UBE2K: variants seen among roughly 807,000 people sequenced by gnomAD.
UBE2K encodes the protein ubiquitin conjugating enzyme E2 K, also known as ubiquitin-conjugating enzyme E2 K.
A neutral mutation model predicts 30.0 loss-of-function variants in UBE2K; 6 were observed. That is an observed-to-expected ratio of 0.20 (90% CI 0.11 to 0.39). UBE2K has a LOEUF of 0.39. Among genes scored for constraint, UBE2K ranks in the 10% least tolerant of loss-of-function variants. UBE2K has a pLI of 1.00. For synonymous variants in UBE2K, 86 were observed against 83.7 expected (o/e 1.03, Z -0.15); for missense variants, 61 against 241.6 (o/e 0.25, Z 4.96).
intron 1 of UBE2K, among the ~76,000 whole-genome samples, chr4:39,715,414 C>T (rs1719005403): frequency 6.6e-6 from 1 of 152,036 alleles, no homozygotes; most frequent in Admixed American, 6.6e-5. Context: ...TCAAGGGATC[C>T]TCCCAACTCA....
chr4:39,770,085 C>T (rs1712674369), intron 4 of UBE2K: 2 of 1,548,712 alleles, frequency 1.3e-6, no homozygotes, highest in Non-Finnish European at 1.7e-6. Flanking sequence ...GCGCGGCTAG[C>T]GGATGAGGAC....
chr4:39,723,822 T>C (rs749782693), intron 1 of UBE2K, among the ~76,000 whole-genome samples: 1 of 152,374 alleles, frequency 6.6e-6, no homozygotes, highest in South Asian at 2.1e-4. Context: ...TTAAAAAATA[T>C]ATTTTTTGAG....
At chr4:39,707,028 T>C (rs1257543616) in intron 1 of UBE2K, among the ~76,000 whole-genome samples, 1 of 152,010 alleles carries the variant, frequency 6.6e-6, no homozygotes, top group East Asian at 1.9e-4. Flanking sequence ...GGCCTCAGCC[T>C]CCAGAATGGC....
intron 4 of UBE2K, among the ~76,000 whole-genome samples, chr4:39,763,482 C>G (rs910555441): frequency 6.6e-6 from 1 of 151,894 alleles, no homozygotes; most frequent in Non-Finnish European, 1.5e-5. Context: ...AACTCCCAAC[C>G]TCGGATCATC....
chr4:39,716,282 A>G (rs7697286), intron 1 of UBE2K, among the ~76,000 whole-genome samples: 2,636 of 139,058 alleles, frequency 0.019, 68 homozygotes, highest in African/African-American at 0.063. Flanking sequence ...CTGTCTATCT[A>G]TCATCCAGGC....
chr4:39,761,539 A>G (rs34258469), intron 4 of UBE2K, among the ~76,000 whole-genome samples: 46,514 of 152,006 alleles, frequency 0.31, 8,634 homozygotes, highest in Admixed American at 0.48. Flanking sequence ...ACTTGAGCAA[A>G]ATTTATTTAC....
intron 1 of UBE2K, among the ~76,000 whole-genome samples, chr4:39,701,564 C>G (rs2109299447): frequency 6.6e-6 from 1 of 152,204 alleles, no homozygotes; most frequent in South Asian, 2.1e-4. Context: ...GGATCTAGGT[C>G]TGCTTGTGTT....
intron 3 of UBE2K, among the ~76,000 whole-genome samples, chr4:39,749,913 A>G (rs534645166): frequency 1.3e-5 from 2 of 152,260 alleles, no homozygotes; most frequent in African/African-American, 4.8e-5. Context: ...TAAAAATAAG[A>G]TACGGCCAGG....
intron 1 of UBE2K, among the ~76,000 whole-genome samples, chr4:39,726,511 ACTC>A (rs10538309): frequency 0.13 from 19,611 of 150,898 alleles, 1,357 homozygotes; most frequent in East Asian, 0.22. Context: ...GTGAGCCACC[ACTC>A]CTCCTGGCCT....
chr4:39,714,910 G>C (rs1388903349), intron 1 of UBE2K, among the ~76,000 whole-genome samples: 3 of 151,404 alleles, frequency 2.0e-5, no homozygotes, highest in Non-Finnish European at 4.4e-5. Context: ...AGAGTGCAAT[G>C]GTGCAATGAT....
intron 1 of UBE2K, among the ~76,000 whole-genome samples, chr4:39,718,234 T>A (rs572277663): frequency 6.6e-6 from 1 of 152,316 alleles, no homozygotes; most frequent in Non-Finnish European, 1.5e-5. Context: ...TTACAATCCC[T>A]GAGCTAGACA....
chr4:39,727,195 T>G (rs755817292), intron 1 of UBE2K, among the ~76,000 whole-genome samples: 3 of 152,220 alleles, frequency 2.0e-5, no homozygotes, highest in Non-Finnish European at 4.4e-5. Context: ...CAAGCAGTCT[T>G]AGAGTACAAA....
At chr4:39,745,377 T>C (rs1720938165) in intron 2 of UBE2K, among the ~76,000 whole-genome samples, 3 of 152,160 alleles carry the variant, frequency 2.0e-5, no homozygotes, top group African/African-American at 7.2e-5. Flanking sequence ...TTTTTTTTTC[T>C]GACCCTTTTG....
intron 4 of UBE2K, among the ~76,000 whole-genome samples, chr4:39,766,650 A>T (rs1048513877): frequency 1.3e-5 from 2 of 152,052 alleles, no homozygotes; most frequent in African/African-American, 4.8e-5. Flanking sequence ...GGCTCAGGTG[A>T]TCCTCCCACC....
intron 1 of UBE2K, among the ~76,000 whole-genome samples, chr4:39,728,166 C>T (rs530663841): frequency 1.3e-5 from 2 of 152,088 alleles, no homozygotes; most frequent in East Asian, 3.9e-4. Flanking sequence ...AAAGCTCTGT[C>T]TTGACTCTTG....
chr4:39,766,146 CTG>C (rs1712319324), intron 4 of UBE2K, among the ~76,000 whole-genome samples: 1 of 151,642 alleles, frequency 6.6e-6, no homozygotes, highest in African/African-American at 2.4e-5. Flanking sequence ...TATAGTAACT[CTG>C]TGTTTTTTGT....
chr4:39,720,983 G>A (rs1719390461), intron 1 of UBE2K, among the ~76,000 whole-genome samples: 1 of 152,176 alleles, frequency 6.6e-6, no homozygotes, highest in African/African-American at 2.4e-5. Context: ...CTGGCCTCAA[G>A]TGATTTTCCT....
chr4:39,722,538 C>T (rs462088), intron 1 of UBE2K, among the ~76,000 whole-genome samples: 28,011 of 151,920 alleles, frequency 0.18, 4,535 homozygotes, highest in African/African-American at 0.44. Context: ...TAATCTTATT[C>T]CCAAAATCCT....
intron 4 of UBE2K, among the ~76,000 whole-genome samples, chr4:39,763,898 C>T (rs1009332568): frequency 2.0e-5 from 3 of 152,154 alleles, no homozygotes; most frequent in Non-Finnish European, 4.4e-5. Context: ...TGCTACCACA[C>T]TTGGCTAATT....
Sources: gnomAD v4.1 joint callset for allele counts (sites outside exome capture counted in the v4.1 genomes callset) on GRCh38, gnomAD v4.1.1 for gene constraint, MANE v1.5 for transcripts, NCBI Gene and HGNC (gene_info 2026-07-23, HGNC 2026-07-21) for gene names.